Variants in CDKL5 observed in about 807,000 individuals in gnomAD.
CDKL5 encodes the protein cyclin dependent kinase like 5.
In CDKL5, 8 loss-of-function variants were observed where a neutral mutation model predicts 61.7. The ratio of observed to expected loss-of-function variants is 0.13; its 90% CI spans 0.08 to 0.23. The LOEUF is 0.23. CDKL5 is among the 10% of genes least tolerant of loss of function. The probability of loss-of-function intolerance (pLI) is 1.00; values close to 1 mark genes in which losing one functional copy is unlikely to be tolerated. For missense variants in CDKL5, 440 were observed against 734.5 expected (o/e 0.60, Z 4.63); for synonymous variants, 275 against 272.3 (o/e 1.01, Z -0.10).
chrX:18,623,899 G>A lies in CDKL5; in HGVS notation c.2377-1229G>A, dbSNP rs189269000. 5.4e-6 allele frequency: 4 copies of A among 735,743 alleles called. No individual in the cohort carries two copies. The East Asian group carries it at 4.6e-4, about 85-fold the overall frequency. 60.6% of individuals were successfully genotyped at this position (735,743 alleles called of 1,213,427 possible). A position where few individuals can be genotyped will look rare whatever the true frequency, so the allele number is the denominator to read the frequency against. On this transcript the variant is annotated intron_variant, in intron 16 of 17. Transcript: ENST00000623535. ...TGCAGACAGATTCCACCAACGGGGAGAATCCAAGCATCAAGAAATCCCTCT... is the reference window on the plus strand; with the variant it reads ...TGCAGACAGATTCCACCAACGGGGAAAATCCAAGCATCAAGAAATCCCTCT...
intron 1 of CDKL5, among the ~76,000 whole-genome samples, chrX:18,491,105 C>G (rs909025547): frequency 1.8e-5 from 2 of 111,919 alleles, no homozygotes; most frequent in African/African-American, 6.5e-5. Flanking sequence ...GAAAGATAAT[C>G]ACTCCGTGCC....
intron 1 of CDKL5, among the ~76,000 whole-genome samples, chrX:18,429,278 C>G (rs1423604810): frequency 8.9e-6 from 1 of 111,860 alleles, no homozygotes. Context: ...GAATTAAGCT[C>G]TTAGAAACAT....
chrX:18,632,487 T>C lies in CDKL5; in HGVS notation c.*3730T>C. 1.3e-6 allele frequency: 1 copy of C among 754,608 alleles called. No homozygotes were observed. Among genetic ancestry groups the C allele is most frequent in the Non-Finnish European group, 1.6e-6 (1 of 639,368 alleles). The allele number at this position is 754,608 out of a possible 1,213,427, so 62.2% of individuals were successfully genotyped here. On this transcript the variant is annotated 3_prime_UTR_variant, in exon 18 of 18. Coordinates refer to ENST00000623535, the MANE Select transcript of CDKL5 (RefSeq NM_001323289.2). ...TGTCTCCCGAAAGAAAATGTCTTTG[T>C]TTTTTATTCAAGTCATTTAATAGCT...
intron 1 of CDKL5, among the ~76,000 whole-genome samples, chrX:18,491,165 G>A (rs1179105248): frequency 8.9e-6 from 1 of 111,782 alleles, no homozygotes; most frequent in Non-Finnish European, 1.9e-5. Context: ...GCTTACCTTG[G>A]TAAATGATTT....
chrX:18,467,197 C>T lies in CDKL5; in HGVS notation c.-162-39738C>T, dbSNP rs771978861. Reference sequence around the variant, plus strand: ...TTCATAGGGTACCGAACTAAGGAATCCAGCAGTGACCAACCAGCAGATTCA... The same window carrying T: ...TTCATAGGGTACCGAACTAAGGAATTCAGCAGTGACCAACCAGCAGATTCA... On this transcript the variant is annotated intron_variant, in intron 1 of 17. Coordinates refer to ENST00000623535, the MANE Select transcript of CDKL5 (RefSeq NM_001323289.2). Among the ~76,000 whole-genome samples the T allele has an allele frequency of 5.4e-5, 6 of 110,113 alleles. No homozygotes were observed. In the East Asian group the frequency reaches 1.7e-3, roughly 32 times the overall value.
chrX:18,437,779 C>T (rs984052658), intron 1 of CDKL5, among the ~76,000 whole-genome samples: 3 of 111,691 alleles, frequency 2.7e-5, no homozygotes, highest in Non-Finnish European at 5.6e-5. Context: ...TTTTTATATC[C>T]TGATTTGTTT....
chrX:18,428,810 T>A (rs1162043455), intron 1 of CDKL5, among the ~76,000 whole-genome samples: 1 of 110,152 alleles, frequency 9.1e-6, no homozygotes, highest in Non-Finnish European at 1.9e-5. Context: ...AGATTCTTTA[T>A]CATCTGATCA....
intron 1 of CDKL5, among the ~76,000 whole-genome samples, chrX:18,429,306 C>G (rs1931431485): frequency 9.0e-6 from 1 of 111,598 alleles, no homozygotes; most frequent in Admixed American, 9.6e-5. Context: ...TGAGACAATC[C>G]TAATCAGGGT....
At chrX:18,554,264 G>A (rs1450704309) in intron 3 of CDKL5, among the ~76,000 whole-genome samples, 1 of 104,237 alleles carries the variant, frequency 9.6e-6, no homozygotes, top group Non-Finnish European at 1.9e-5. Flanking sequence ...CCCTCCCTGT[G>A]TCCAAGTGTT....
At chrX:18,617,408 G>A (rs187486404) in intron 15 of CDKL5, among the ~76,000 whole-genome samples, 1,138 of 112,144 alleles carry the variant, frequency 0.01, 37 homozygotes, top group Admixed American at 0.099. Flanking sequence ...CACTCAGCAC[G>A]AAGCTGCTGT....
At position 18,598,620 on chromosome X, in the gene CDKL5, A is replaced by T. The variant is rs770011012; in HGVS notation, c.977+7A>T. The T allele has an allele frequency of 7.5e-6, 9 of 1,204,170 alleles. No individual in the cohort carries two copies. In the South Asian group the frequency reaches 1.6e-4, roughly 21 times the overall value. On this transcript the variant is annotated splice_region_variant and intron_variant, in intron 11 of 17. Transcript: ENST00000623535. ...GCAGCACATTGTCTAATAGGTAAAT[A>T]TTCCCTTTTAAGGAAATACAGATGC...
chrX:18,529,363 A>G (rs756259504), intron 3 of CDKL5, among the ~76,000 whole-genome samples: 6 of 110,321 alleles, frequency 5.4e-5, no homozygotes, highest in Admixed American at 1.9e-4. Flanking sequence ...GCTTATCCAT[A>G]TGCTATACTC....
chrX:18,513,151 T>C (rs1312641361), intron 3 of CDKL5, among the ~76,000 whole-genome samples: 1 of 112,308 alleles, frequency 8.9e-6, no homozygotes. Context: ...TTTTCCTCTA[T>C]ACTTTCATGT....
chrX:18,650,354 G>A (rs1927975049), intron 20 of CDKL5: 9 of 1,131,483 alleles, frequency 8.0e-6, no homozygotes, highest in Admixed American at 4.4e-5. Context: ...TCTGGGAGCC[G>A]ATGCCTGCCT....
intron 1 of CDKL5, among the ~76,000 whole-genome samples, chrX:18,495,708 ACTCTTTGTACTGC>A (rs1297215944): frequency 1.8e-5 from 2 of 110,384 alleles, no homozygotes; most frequent in African/African-American, 6.6e-5. Flanking sequence ...ACTCTCTAAG[ACTCTTTGTACTGC>A]CTTGAACACT....
intron 3 of CDKL5, among the ~76,000 whole-genome samples, chrX:18,547,069 T>C (rs759105501): frequency 8.9e-6 from 1 of 112,392 alleles, no homozygotes; most frequent in Non-Finnish European, 1.9e-5. Flanking sequence ...TTCCTTGTTA[T>C]ATGTCTCTTC....
intron 1 of CDKL5, among the ~76,000 whole-genome samples, chrX:18,455,721 C>T (rs1457983476): frequency 8.9e-6 from 1 of 112,509 alleles, no homozygotes; most frequent in East Asian, 2.8e-4. Flanking sequence ...AGAAGATAAT[C>T]GTAACAATTA....
intron 1 of CDKL5, among the ~76,000 whole-genome samples, chrX:18,460,279 G>A (rs886358495): frequency 7.2e-5 from 8 of 110,433 alleles, no homozygotes; most frequent in African/African-American, 2.6e-4. Context: ...GCCGTAGGGG[G>A]GACCGTACTA....
intron 1 of CDKL5, among the ~76,000 whole-genome samples, chrX:18,449,823 G>A (rs946761582): frequency 9.4e-6 from 1 of 106,454 alleles, no homozygotes; most frequent in African/African-American, 3.4e-5. Flanking sequence ...GGAGACGGAG[G>A]CTCACTCTGT....
Sources: allele counts gnomAD v4.1 joint callset (sites outside exome capture counted in the v4.1 genomes callset), GRCh38; gene constraint gnomAD v4.1.1; transcripts MANE v1.5; gene names NCBI Gene and HGNC (gene_info 2026-07-23, HGNC 2026-07-21).